The following IL4 variants were observed in gnomAD, a reference collection of about 807,000 sequenced individuals.
IL4 encodes interleukin 4.
IL4 carries 10 observed loss-of-function variants against 17.4 expected under a neutral mutation model. The ratio of observed to expected loss-of-function variants is 0.57; its 90% CI spans 0.35 to 0.97. IL4 has a LOEUF of 0.97. Among genes scored for constraint, IL4 ranks in the 50% least tolerant of loss-of-function variants. The pLI is 0.01. For synonymous variants in IL4, 87 were observed against 79.0 expected (o/e 1.10, Z -0.54); for missense variants, 174 against 187.7 (o/e 0.93, Z 0.43).
rs540832886 is a variant in IL4, at chr5:132,678,678, C to T, written c.184-1036C>T. Among the ~76,000 whole-genome samples, 10 of 152,218 alleles carry T rather than the reference C, an allele frequency of 6.6e-5. No individual in the cohort carries two copies. In the South Asian group the frequency reaches 2.1e-3, roughly 32 times the overall value. ...GATGTCCATGCTGCTGGTCCATGGA[C>T]CACACTTTGAGTATCAAGGGACCAG... On this transcript the variant is annotated intron_variant, in intron 2 of 3. Coordinates refer to ENST00000231449, the MANE Select transcript of IL4 (RefSeq NM_000589.4).
chr5:132,674,434 C>G, intron 1 of IL4, 25 bp from the exon 2 acceptor site: 1 of 1,611,894 alleles, frequency 6.2e-7, no homozygotes, highest in Non-Finnish European at 8.5e-7. Context: ...CTGTCTCTTG[C>G]TCTCTCATTT....
intron 3 of IL4, 87 bp downstream of exon 3, chr5:132,679,977 G>A: frequency 1.8e-6 from 2 of 1,131,126 alleles, no homozygotes; most frequent in Non-Finnish European, 2.5e-6. Flanking sequence ...AGGAGCTGCA[G>A]CACCCTTGGT....
At chr5:132,679,086 G>A (rs938053077) in intron 2 of IL4, among the ~76,000 whole-genome samples, 8 of 152,218 alleles carry the variant, frequency 5.3e-5, no homozygotes, top group African/African-American at 1.9e-4. Context: ...ACCTTTCCCT[G>A]ATCTGTGCAC....
intron 2 of IL4, among the ~76,000 whole-genome samples, chr5:132,678,506 G>GAA (rs202192872): frequency 6.6e-6 from 1 of 151,398 alleles, no homozygotes; most frequent in Non-Finnish European, 1.5e-5. Flanking sequence ...TTGATCATCA[G>GAA]AAAAAAAAAT....
intron 2 of IL4, among the ~76,000 whole-genome samples, chr5:132,676,937 G>T (rs1278009595): frequency 1.3e-5 from 2 of 152,202 alleles, no homozygotes; most frequent in African/African-American, 4.8e-5. Context: ...CTGTCAGGGT[G>T]TCTATGAAGT....
intron 2 of IL4, 149 bp downstream of exon 2, chr5:132,674,655 CTCT>C (rs1752345954): frequency 1.4e-5 from 9 of 648,662 alleles, no homozygotes; most frequent in African/African-American, 1.3e-4. Flanking sequence ...CTGATCTTTA[CTCT>C]TAAGCATGTT....
intron 2 of IL4, among the ~76,000 whole-genome samples, chr5:132,675,070 G>A (rs1003314987): frequency 6.6e-6 from 1 of 152,032 alleles, no homozygotes; most frequent in South Asian, 2.1e-4. Flanking sequence ...CCTCCAGCTC[G>A]GTCTGGAACC....
At chr5:132,678,392 G>A (rs949907704) in intron 2 of IL4, among the ~76,000 whole-genome samples, 10 of 152,188 alleles carry the variant, frequency 6.6e-5, no homozygotes, top group East Asian at 1.9e-4. Flanking sequence ...AAAGTGTGAC[G>A]ATATTTACCA....
Position 132,675,883 on chromosome 5 carries a change from ATG to A in IL4, c.183+1387_183+1388del, listed in dbSNP as rs1201827682. 2.1e-3 allele frequency among the ~76,000 whole-genome samples: 270 copies of A among 129,164 alleles called. 1 individual carries two copies. The highest frequency in any genetic ancestry group is 6.6e-3 in the African/African-American group (188 of 28,420). The allele number at this position is 129,164 out of a possible 152,430, so 84.7% of individuals were successfully genotyped here. The stretch of plus-strand genomic sequence containing the variant: ...TGTGTGTGTGTGTGTGTGTGTATAT[ATG>A]TGTGTGTGTATATATATGTGTGTAT... On this transcript the variant is annotated intron_variant, in intron 2 of 3. Transcript: ENST00000231449.
intron 2 of IL4, among the ~76,000 whole-genome samples, chr5:132,675,438 G>A (rs947949314): frequency 6.6e-6 from 1 of 151,110 alleles, no homozygotes; most frequent in African/African-American, 2.4e-5. Flanking sequence ...ATAGAACAGG[G>A]CCCATCCTGC....
In IL4 at chr5:132,675,877, G is replaced by A. The variant is rs56174361; in HGVS notation, c.183+1371G>A. The stretch of plus-strand genomic sequence containing the variant: ...TGTGTGTGTGTGTGTGTGTGTGTGT[G>A]TATATATGTGTGTGTGTATATATAT... On this transcript the variant is annotated intron_variant, in intron 2 of 3. Coordinates refer to ENST00000231449, the MANE Select transcript of IL4 (RefSeq NM_000589.4). Among the ~76,000 whole-genome samples, 129 of 36,950 alleles carry A rather than the reference G, an allele frequency of 3.5e-3. 1 individual carries two copies. Among genetic ancestry groups the A allele is most frequent in the Middle Eastern group, 0.04 (2 of 50 alleles). 24.2% of individuals were successfully genotyped at this position (36,950 alleles called of 152,430 possible). A position where few individuals can be genotyped will look rare whatever the true frequency, so the allele number is the denominator to read the frequency against.
At chr5:132,682,449 C>T (rs1417273450) in intron 3 of IL4, 37 bp from the exon 4 acceptor site, 27 of 1,249,936 alleles carry the variant, frequency 2.2e-5, no homozygotes, top group Non-Finnish European at 2.7e-5. Context: ...AAGACAAATG[C>T]TTACCAATGC....
chr5:132,681,855 CTCTTT>C (rs910474862), intron 3 of IL4, among the ~76,000 whole-genome samples: 1 of 152,170 alleles, frequency 6.6e-6, no homozygotes, highest in African/African-American at 2.4e-5. Flanking sequence ...CACATGTTCT[CTCTTT>C]TAATTCTCTC....
chr5:132,681,893 G>A (rs920455164), intron 3 of IL4, among the ~76,000 whole-genome samples: 4 of 152,192 alleles, frequency 2.6e-5, no homozygotes, highest in African/African-American at 9.7e-5. Flanking sequence ...AAGCAGGCAA[G>A]TAGGCAAACA....
rs1752469358 is a variant in IL4, at chr5:132,680,655, A to G, written c.360+765A>G. On this transcript the variant is annotated intron_variant, in intron 3 of 3. Transcript: ENST00000231449. The surrounding 1 kb of genome is among the most constrained non-coding windows in gnomAD (Gnocchi z 4.3). ...AGATGATGGTGGCGTGGACAGAATG[A>G]AGCAAGATGGCCTGTTGGGAGGCTA... Among the ~76,000 whole-genome samples, 1 of 144,194 alleles carries G rather than the reference A, an allele frequency of 6.9e-6. No homozygotes were observed. The highest frequency in any genetic ancestry group is 6.9e-5 in the Admixed American group (1 of 14,472). The allele number at this position is 144,194 out of a possible 152,430, so 94.6% of individuals were successfully genotyped here. A position where few individuals can be genotyped will look rare whatever the true frequency, so the allele number is the denominator to read the frequency against.
intron 2 of IL4, among the ~76,000 whole-genome samples, chr5:132,675,520 T>C (rs1244986619): frequency 6.6e-6 from 1 of 151,622 alleles, no homozygotes; most frequent in Non-Finnish European, 1.5e-5. Context: ...GGGAGTCCGA[T>C]ACAGGATGAG....
chr5:132,681,909 C>T (rs1752495756), intron 3 of IL4, among the ~76,000 whole-genome samples: 1 of 152,130 alleles, frequency 6.6e-6, no homozygotes, highest in Non-Finnish European at 1.5e-5. Context: ...AAACAATTGT[C>T]CCAACTTTAC....
chr5:132,676,085 C>T (rs1040745452), intron 2 of IL4, among the ~76,000 whole-genome samples: 14 of 151,910 alleles, frequency 9.2e-5, no homozygotes, highest in African/African-American at 3.4e-4. Flanking sequence ...AGGGAAGGGC[C>T]ACCTCACTAG....
chr5:132,676,607 CT>C (rs1752387678), intron 2 of IL4, among the ~76,000 whole-genome samples: 1 of 152,214 alleles, frequency 6.6e-6, no homozygotes, highest in African/African-American at 2.4e-5. Flanking sequence ...TTTGCCTCCC[CT>C]GAACTTCATC....
Sources: allele counts gnomAD v4.1 joint callset (sites outside exome capture counted in the v4.1 genomes callset), GRCh38; gene constraint gnomAD v4.1.1; non-coding constraint Gnocchi (gnomAD v3.1); transcripts MANE v1.5; gene names NCBI Gene and HGNC (gene_info 2026-07-23, HGNC 2026-07-21).